Variants in MPPED1 observed in about 807,000 individuals in gnomAD.
The protein encoded by MPPED1 is metallophosphoesterase domain containing 1.
In MPPED1, 16 loss-of-function variants were observed where a neutral mutation model predicts 36.2. That is an observed-to-expected ratio of 0.44 (90% CI 0.30 to 0.67). MPPED1 has a LOEUF of 0.67. Ranked by LOEUF, MPPED1 falls within the 30% of genes least tolerant of loss-of-function variation. MPPED1 has a pLI of 0.10. For synonymous variants in MPPED1, 199 were observed against 191.3 expected, an observed-to-expected ratio of 1.04 and a Z score of -0.33; for missense variants, 307 against 453.4, an observed-to-expected ratio of 0.68 and a Z score of 2.93.
At chr22:43,436,048 A>T (rs1049214817) in intron 3 of MPPED1, among the ~76,000 whole-genome samples, 2 of 152,242 alleles carry the variant, frequency 1.3e-5, no homozygotes, top group Non-Finnish European at 1.5e-5. Context: ...GCCCTTTCCC[A>T]TGCACTGCGC....
chr22:43,453,278 C>A (rs73428317), intron 3 of MPPED1, among the ~76,000 whole-genome samples: 7,392 of 152,142 alleles, frequency 0.049, 608 homozygotes, highest in African/African-American at 0.17. Flanking sequence ...ATACTTATTT[C>A]AGTTACTACT....
At chr22:43,429,603 C>G (rs1472048119) in intron 2 of MPPED1, among the ~76,000 whole-genome samples, 2 of 152,356 alleles carry the variant, frequency 1.3e-5, no homozygotes, top group African/African-American at 4.8e-5. Flanking sequence ...GCCTTGTGGC[C>G]CACGCTTTGT....
intron 4 of MPPED1, among the ~76,000 whole-genome samples, chr22:43,490,872 A>G (rs1932060778): frequency 6.6e-6 from 1 of 152,106 alleles, no homozygotes; most frequent in Admixed American, 6.5e-5. Flanking sequence ...TGTGTCTGGG[A>G]CCGCGGCATC....
intron 5 of MPPED1, among the ~76,000 whole-genome samples, chr22:43,500,514 A>G (rs1017708333): frequency 6.6e-6 from 1 of 151,218 alleles, no homozygotes; most frequent in African/African-American, 2.4e-5. Flanking sequence ...TTACATCAGC[A>G]GGAGGGAGTT....
intron 4 of MPPED1, among the ~76,000 whole-genome samples, chr22:43,493,606 C>T (rs1932169271): frequency 6.6e-6 from 1 of 152,210 alleles, no homozygotes. Context: ...GCCTCAGTGT[C>T]CTCATCTGTA....
rs148317870 is a variant in MPPED1, at chr22:43,458,441, A to G, written c.407-16295A>G. 9.3e-3 allele frequency among the ~76,000 whole-genome samples: 1,414 copies of G among 151,976 alleles called. 15 individuals carry two copies. The highest frequency in any genetic ancestry group is 0.034 in the Middle Eastern group (10 of 294). Reference sequence around the variant, plus strand: ...GCTGGGATTACAGGCACGTGCCACCACACCCGGCTAATTTTTATATTTTTA... The same window carrying G: ...GCTGGGATTACAGGCACGTGCCACCGCACCCGGCTAATTTTTATATTTTTA... On this transcript the variant is annotated intron_variant, in intron 3 of 6. Coordinates refer to ENST00000443721, the MANE Select transcript of MPPED1 (RefSeq NM_001044370.2).
chr22:43,449,371 A>G (rs1462892621), intron 3 of MPPED1, among the ~76,000 whole-genome samples: 4 of 151,960 alleles, frequency 2.6e-5, no homozygotes, highest in Non-Finnish European at 5.9e-5. Context: ...CAGGGCAGGG[A>G]TCTGGATCGT....
At position 43,502,839 on chromosome 22, in the gene MPPED1, C is replaced by A; in HGVS notation, c.862+82C>A. 1 of 1,193,274 alleles carries A rather than the reference C, an allele frequency of 8.4e-7. No individual in the cohort carries two copies. The highest frequency in any genetic ancestry group is 1.2e-6 in the Non-Finnish European group (1 of 802,792). 73.9% of individuals were successfully genotyped at this position (1,193,274 alleles called of 1,614,324 possible). A position where few individuals can be genotyped will look rare whatever the true frequency, so the allele number is the denominator to read the frequency against. ...CAGCAGGACCTCCCCTTCGTTCAGC[C>A]AGAAGGGAAATAAATAGCCCATTCC... On this transcript the variant is annotated intron_variant, in intron 6 of 6. Transcript: ENST00000443721. The surrounding 1 kb of genome is among the most constrained non-coding windows in gnomAD (Gnocchi z 5.5).
At chr22:43,493,018 C>T (rs772371566) in intron 4 of MPPED1, among the ~76,000 whole-genome samples, 3 of 152,132 alleles carry the variant, frequency 2.0e-5, no homozygotes, top group Non-Finnish European at 4.4e-5. Context: ...CATAGATTTG[C>T]GTGTCTCCTG....
Position 43,465,221 on chromosome 22 carries a change from G to A in MPPED1, c.407-9515G>A, listed in dbSNP as rs145242042. ...TCCCACAGCCTCGTGGGGCAGCTCC[G>A]TGGCATGGGCCTTGAAGTCATGGAC... is the stretch of plus-strand genomic sequence containing the variant. On this transcript the variant is annotated intron_variant, in intron 3 of 6. Transcript: ENST00000443721. Among the ~76,000 whole-genome samples, 160 of 152,352 alleles carry A rather than the reference G, an allele frequency of 1.1e-3. 2 individuals carry two copies. In the Middle Eastern group the frequency reaches 0.037, roughly 36 times the overall value.
rs148440656 is a variant in MPPED1, at chr22:43,479,146, C to T, written c.632+4185C>T. Among the ~76,000 whole-genome samples, 7 of 152,284 alleles carry T rather than the reference C, an allele frequency of 4.6e-5. No homozygotes were observed. The South Asian group carries it at 1.5e-3, about 32-fold the overall frequency. On this transcript the variant is annotated intron_variant, in intron 4 of 6. Coordinates refer to ENST00000443721, the MANE Select transcript of MPPED1 (RefSeq NM_001044370.2). ...CTCCACTCCCCTGGCGCCGGCCACC[C>T]GGGCATATGGCAGCTCATTCGGGGG...
At position 43,505,807 on chromosome 22, in the gene MPPED1, C is replaced by G. The variant is rs182476297; in HGVS notation, c.*191C>G. On this transcript the variant is annotated 3_prime_UTR_variant, in exon 7 of 7. Coordinates refer to ENST00000443721, the MANE Select transcript of MPPED1 (RefSeq NM_001044370.2). Reference sequence around the variant, plus strand: ...GAGTTGGGACCCTGCGCATCCCCATCAGGGGTTCTGTGCTCATTTACTTTT... The same window carrying G: ...GAGTTGGGACCCTGCGCATCCCCATGAGGGGTTCTGTGCTCATTTACTTTT... The G allele has an allele frequency of 2.4e-4, 139 of 574,884 alleles. No homozygotes were observed. In the East Asian group the frequency reaches 4.0e-3, roughly 16 times the overall value. 35.6% of individuals were successfully genotyped at this position (574,884 alleles called of 1,614,324 possible). A position where few individuals can be genotyped will look rare whatever the true frequency, so the allele number is the denominator to read the frequency against.
At chr22:43,495,497 G>GTGGAGAGGTGGAAGTGCTGGTGA (rs1932258456) in intron 4 of MPPED1, among the ~76,000 whole-genome samples, 1 of 20,924 alleles carries the variant, frequency 4.8e-5, no homozygotes, top group African/African-American at 7.9e-4. Context: ...GGAGGTAGTG[G>GTGGAGAGGTGGAAGTGCTGGTGA]TGGTGGAGGT....
chr22:43,502,328 C>G lies in MPPED1; in HGVS notation c.749-316C>G, dbSNP rs543801979. On this transcript the variant is annotated intron_variant, in intron 5 of 6. Coordinates refer to ENST00000443721, the MANE Select transcript of MPPED1 (RefSeq NM_001044370.2). The surrounding 1 kb of genome is among the most constrained non-coding windows in gnomAD (Gnocchi z 5.5). ...GATGCCACCCTTGAGGCCACTCGAG[C>G]ACAGATGGTCTGGGGGGCGCCAGCA... is the stretch of plus-strand genomic sequence containing the variant. 6.6e-6 allele frequency among the ~76,000 whole-genome samples: 1 copy of G among 152,304 alleles called. No individual in the cohort carries two copies. The highest frequency in any genetic ancestry group is 6.5e-5 in the Admixed American group (1 of 15,306).
intron 4 of MPPED1, among the ~76,000 whole-genome samples, chr22:43,477,052 C>T (rs1181568507): frequency 6.6e-6 from 1 of 152,124 alleles, no homozygotes; most frequent in Admixed American, 6.5e-5. Flanking sequence ...AGGGGCCCTG[C>T]TACCCTGCTC....
In MPPED1 at chr22:43,435,227, C is replaced by G. The variant is rs1452832136; in HGVS notation, c.406+12C>G. The stretch of plus-strand genomic sequence containing the variant: ...CAACGAGTGGCTGGGTAGGTCCCTC[C>G]TGCCCCGGGCGGGCGGCTGTGCTGA... On this transcript the variant is annotated intron_variant, in intron 3 of 6. Coordinates refer to ENST00000443721, the MANE Select transcript of MPPED1 (RefSeq NM_001044370.2). 1.9e-6 allele frequency: 3 copies of G among 1,599,776 alleles called. No individual in the cohort carries two copies. In the South Asian group the frequency reaches 3.3e-5, roughly 18 times the overall value.
chr22:43,463,863 CTTTCTT>C (rs1477115579), intron 3 of MPPED1, among the ~76,000 whole-genome samples: 1 of 102,554 alleles, frequency 9.8e-6, no homozygotes, highest in African/African-American at 3.5e-5. Context: ...TTCTTTCTTT[CTTTCTT>C]TCTTTCTCTT....
At position 43,497,929 on chromosome 22, in the gene MPPED1, G is replaced by GTATGTA. The variant is rs542398808; in HGVS notation, c.633-303_633-302insGTATAT. Among the ~76,000 whole-genome samples the GTATGTA allele has an allele frequency of 5.7e-4, 28 of 48,758 alleles. 1 individual carries two copies. The highest frequency in any genetic ancestry group is 1.8e-3 in the African/African-American group (28 of 15,830). The allele number at this position is 48,758 out of a possible 152,430, so 32.0% of individuals were successfully genotyped here. On this transcript the variant is annotated intron_variant, in intron 4 of 6. Coordinates refer to ENST00000443721, the MANE Select transcript of MPPED1 (RefSeq NM_001044370.2). Reference sequence around the variant, plus strand: ...CTTAGGAAGAAGCTGATATATATATGTATATGTATATATATATATGTATTT... The same window carrying GTATGTA: ...CTTAGGAAGAAGCTGATATATATATGTATGTATATATGTATATATATATATGTATTT...
intron 4 of MPPED1, among the ~76,000 whole-genome samples, chr22:43,478,158 G>A (rs1303628053): frequency 7.2e-5 from 11 of 152,242 alleles, no homozygotes; most frequent in Non-Finnish European, 1.3e-4. Flanking sequence ...GCCAGTCCTA[G>A]CTCTTCCTGC....
Sources: gnomAD v4.1 joint callset for allele counts (sites outside exome capture counted in the v4.1 genomes callset) on GRCh38, gnomAD v4.1.1 for gene constraint, Gnocchi (gnomAD v3.1) non-coding constraint, MANE v1.5 for transcripts, NCBI Gene and HGNC (gene_info 2026-07-23, HGNC 2026-07-21) for gene names.